Variants in MRC2 observed in about 807,000 individuals in gnomAD.
MRC2 encodes the protein C-type mannose receptor 2.
A neutral mutation model predicts 206.2 loss-of-function variants in MRC2; 84 were observed. The ratio of observed to expected loss-of-function variants is 0.41; its 90% CI spans 0.34 to 0.49. The LOEUF (loss-of-function observed/expected upper bound fraction) is 0.49. Among genes scored for constraint, MRC2 ranks in the 20% least tolerant of loss-of-function variants. MRC2 has a pLI of 0.31. For synonymous variants in MRC2, 798 were observed against 800.0 expected (o/e 1.00, Z 0.04); for missense variants, 1,676 against 2,001.5 (o/e 0.84, Z 3.10).
chr17:62,666,635 A>T lies in MRC2; in HGVS notation c.859+16A>T. The T allele has an allele frequency of 6.6e-7, 1 of 1,519,422 alleles. No homozygotes were observed. The highest frequency in any genetic ancestry group is 8.9e-7 in the Non-Finnish European group (1 of 1,127,542). The allele number at this position is 1,519,422 out of a possible 1,614,324, so 94.1% of individuals were successfully genotyped here. On this transcript the variant is annotated intron_variant, in intron 4 of 29. Coordinates refer to ENST00000303375, the MANE Select transcript of MRC2 (RefSeq NM_006039.5). The surrounding 1 kb of genome is among the most constrained non-coding windows in gnomAD (Gnocchi z 5.0). ...TACATCAACGGTGAGCCGGGGCCTG[A>T]TGCCTGCTCGTGCCTCTGGAGGGCC...
chr17:62,674,870 C>A (rs535068748), intron 9 of MRC2, among the ~76,000 whole-genome samples: 100 of 152,200 alleles, frequency 6.6e-4, no homozygotes, highest in Middle Eastern at 3.4e-3. Context: ...GCCCTTGGCC[C>A]CCCCCAGCAG....
In MRC2 at chr17:62,683,323, C is replaced by T. The variant is rs554811586; in HGVS notation, c.2946+946C>T. The stretch of plus-strand genomic sequence containing the variant: ...ATCTCTACTAAAAATACAAAATTAG[C>T]TGAGTGTGGTGGCACATGCCTGTAA... On this transcript the variant is annotated intron_variant, in intron 20 of 29. Coordinates refer to ENST00000303375, the MANE Select transcript of MRC2 (RefSeq NM_006039.5). 3.8e-3 allele frequency among the ~76,000 whole-genome samples: 572 copies of T among 151,586 alleles called. 5 individuals are homozygous for T. Among genetic ancestry groups the T allele is most frequent in the African/African-American group, 0.013 (548 of 41,344 alleles).
intron 1 of MRC2, among the ~76,000 whole-genome samples, chr17:62,655,433 T>A (rs2088606206): frequency 1.3e-5 from 2 of 151,810 alleles, no homozygotes; most frequent in African/African-American, 2.4e-5. Context: ...TCCCAGCTAC[T>A]CGGGAGGCTG....
rs1303552559 is a variant in MRC2 at position 62,627,671 on chromosome 17, T to G, written c.-132T>G. On this transcript the variant is annotated 5_prime_UTR_variant, in exon 1 of 30. Coordinates refer to ENST00000303375, the MANE Select transcript of MRC2 (RefSeq NM_006039.5). Reference sequence around the variant, plus strand: ...CCTCCCTCCTCCTCCCCGGGAGGCATCACTTCGTCCCGACCCGGAGGAGGA... The same window carrying G: ...CCTCCCTCCTCCTCCCCGGGAGGCAGCACTTCGTCCCGACCCGGAGGAGGA... 3 of 579,756 alleles carry G rather than the reference T, an allele frequency of 5.2e-6. No individual in the cohort carries two copies. Among genetic ancestry groups the G allele is most frequent in the Non-Finnish European group, 8.0e-6 (3 of 377,078 alleles). The allele number at this position is 579,756 out of a possible 1,614,324, so 35.9% of individuals were successfully genotyped here.
chr17:62,690,264 T>C lies in MRC2; in HGVS notation c.3851T>C (p.Leu1284Pro). 6.2e-7 allele frequency: 1 copy of C among 1,612,880 alleles called. No homozygotes were observed. The highest frequency in any genetic ancestry group is 2.2e-5 in the East Asian group (1 of 44,874). The change falls in exon 26 of 30, where the codon CTG (leucine) becomes CCG (proline). Residue 1284 changes from leucine to proline, a missense_variant. Leu to Pro is a moderately conservative substitution (Grantham distance 98). Around this residue, in one of 3 missense-constraint regions of MRC2, gnomAD observed 1,354 missense variants for 1,636.6 expected, o/e 0.83. Transcript: ENST00000303375. Reference sequence around the variant, plus strand: ...CACTGCTATTCTTTCCACATGGAGCTGCTGCTGGGCCACAAGGAGGCGCGA... The same window carrying C: ...CACTGCTATTCTTTCCACATGGAGCCGCTGCTGGGCCACAAGGAGGCGCGA... ...REHCYSFHME[L>P]LLGHKEARQR...
At chr17:62,648,329 G>A (rs1201627870) in intron 1 of MRC2, among the ~76,000 whole-genome samples, 2 of 152,182 alleles carry the variant, frequency 1.3e-5, no homozygotes, top group African/African-American at 2.4e-5. Flanking sequence ...ACTTGAACCC[G>A]GGAGGCGGAG....
intron 20 of MRC2, among the ~76,000 whole-genome samples, chr17:62,685,793 T>C (rs2089024232): frequency 6.6e-6 from 1 of 152,204 alleles, no homozygotes; most frequent in Non-Finnish European, 1.5e-5. Flanking sequence ...CCTCCTGCCT[T>C]GGCCTTCCAA....
In MRC2 at chr17:62,666,586, A is replaced by G; in HGVS notation, c.826A>G (p.Ile276Val). 1 of 1,604,300 alleles carries G rather than the reference A, an allele frequency of 6.2e-7. No homozygotes were observed. The highest frequency in any genetic ancestry group is 8.5e-7 in the Non-Finnish European group (1 of 1,175,548). ...GCAGCAGGGTGCGGATCTGCTGAGC[A>G]TCACGGAGATCCACGAGCAGACCTA... ...CEQQGADLLS[I>V]TEIHEQTYIN... Residue 276 changes from isoleucine to valine, a missense_variant, in exon 4 of 30, where the codon ATC (isoleucine) becomes GTC (valine). Physicochemically the swap from Ile to Val is conservative, Grantham distance 29. Coordinates refer to ENST00000303375, the MANE Select transcript of MRC2 (RefSeq NM_006039.5). This position sits in a 1 kb window ranked among gnomAD's most constrained non-coding sequence, Gnocchi z 5.0.
intron 1 of MRC2, among the ~76,000 whole-genome samples, chr17:62,648,449 C>T (rs1439549905): frequency 6.6e-6 from 1 of 152,240 alleles, no homozygotes; most frequent in Admixed American, 6.5e-5. Flanking sequence ...TCCACACTTT[C>T]CCTTCCAGCT....
intron 1 of MRC2, among the ~76,000 whole-genome samples, chr17:62,634,174 CCCTATAAG>C (rs1476238257): frequency 1.3e-5 from 2 of 152,120 alleles, no homozygotes; most frequent in African/African-American, 2.4e-5. Context: ...CCTTTTTAGA[CCCTATAAG>C]GTAATTTCTT....
intron 1 of MRC2, among the ~76,000 whole-genome samples, chr17:62,640,258 G>A (rs1181503916): frequency 6.6e-6 from 1 of 151,978 alleles, no homozygotes; most frequent in African/African-American, 2.4e-5. Flanking sequence ...ATGCATACCT[G>A]ACATTCATCT....
intron 18 of MRC2, 42 bp downstream of exon 18, chr17:62,681,171 T>A: frequency 1.2e-6 from 2 of 1,601,406 alleles, no homozygotes; most frequent in Non-Finnish European, 1.7e-6. Context: ...GGGGGCTGGC[T>A]GTCCACACAC....
In MRC2 at chr17:62,671,682, C is replaced by T. The variant is rs148408410; in HGVS notation, c.1151C>T (p.Pro384Leu). 6 of 1,603,336 alleles carry T rather than the reference C, an allele frequency of 3.7e-6. No individual in the cohort carries two copies. Among genetic ancestry groups the T allele is most frequent in the East Asian group, 2.2e-5 (1 of 44,786 alleles). ...RWANVKVECEPSWQPFQGHCY... is the reference protein window; with the variant it reads ...RWANVKVECELSWQPFQGHCY... ...GCCAATGTGAAGGTGGAGTGCGAGC[C>T]GAGCTGGCAGCCCTTCCAGGGCCAC... Residue 384 changes from proline to leucine, a missense_variant, in exon 7 of 30, where the codon CCG (proline) becomes CTG (leucine). By Grantham distance (98) the Pro-to-Leu change is moderately conservative. Around this residue, in one of 3 missense-constraint regions of MRC2, gnomAD observed 1,354 missense variants for 1,636.6 expected, o/e 0.83. Transcript: ENST00000303375. The surrounding 1 kb of genome is among the most constrained non-coding windows in gnomAD (Gnocchi z 4.5).
At position 62,667,001 on chromosome 17, in the gene MRC2, C is replaced by G. The variant is rs921323112; in HGVS notation, c.973+131C>G. ...AGGGGAAGCACCGACCTCCACCCCCCTCCCCAGACTGCGCCCCCCTAGCCC... is the reference window on the plus strand; with the variant it reads ...AGGGGAAGCACCGACCTCCACCCCCGTCCCCAGACTGCGCCCCCCTAGCCC... On this transcript the variant is annotated intron_variant, in intron 5 of 29. Coordinates refer to ENST00000303375, the MANE Select transcript of MRC2 (RefSeq NM_006039.5). The surrounding 1 kb of genome is among the most constrained non-coding windows in gnomAD (Gnocchi z 4.1). 3 of 731,900 alleles carry G rather than the reference C, an allele frequency of 4.1e-6. No homozygotes were observed. The highest frequency in any genetic ancestry group is 5.4e-5 in the East Asian group (2 of 36,980). The allele number at this position is 731,900 out of a possible 1,614,324, so 45.3% of individuals were successfully genotyped here.
rs2089117290 is a variant in MRC2, at chr17:62,691,978, A to AGGAT, written c.4193-131_4193-128dup. The AGGAT allele has an allele frequency of 2.6e-6, 3 of 1,153,118 alleles. No homozygotes were observed. In the East Asian group the frequency reaches 7.3e-5, roughly 28 times the overall value. 71.4% of individuals were successfully genotyped at this position (1,153,118 alleles called of 1,614,324 possible). A position where few individuals can be genotyped will look rare whatever the true frequency, so the allele number is the denominator to read the frequency against. ...CTGTGCCCCCACAGTAACCAGAGGTAGGATGGGAGGGGGAACTAGAGCCTC... is the reference window on the plus strand; with the variant it reads ...CTGTGCCCCCACAGTAACCAGAGGTAGGATGGATGGGAGGGGGAACTAGAGCCTC... On this transcript the variant is annotated intron_variant, in intron 28 of 29. Coordinates refer to ENST00000303375, the MANE Select transcript of MRC2 (RefSeq NM_006039.5).
intron 1 of MRC2, among the ~76,000 whole-genome samples, chr17:62,636,560 C>A (rs2088322909): frequency 6.6e-6 from 1 of 151,122 alleles, no homozygotes; most frequent in Non-Finnish European, 1.5e-5. Flanking sequence ...GCTCCACCTC[C>A]CAGGTTCACG....
Position 62,671,930 on chromosome 17 carries a change from C to T in MRC2, c.1307-68C>T, listed in dbSNP as rs1598987387. 5 of 1,608,554 alleles carry T rather than the reference C, an allele frequency of 3.1e-6. No individual in the cohort carries two copies. Among genetic ancestry groups the T allele is most frequent in the East Asian group, 2.2e-5 (1 of 44,768 alleles). ...CAGGAGCCTCAGAGAATGTTCCTTC[C>T]TCCCTACTGGTGGCTGAGGCTGACC... On this transcript the variant is annotated intron_variant, in intron 7 of 29. Coordinates refer to ENST00000303375, the MANE Select transcript of MRC2 (RefSeq NM_006039.5). The surrounding 1 kb of genome is among the most constrained non-coding windows in gnomAD (Gnocchi z 4.5).
intron 1 of MRC2, among the ~76,000 whole-genome samples, chr17:62,655,473 A>C (rs1197860925): frequency 6.7e-6 from 1 of 149,840 alleles, no homozygotes. Context: ...ACCCTGGAGG[A>C]GGAGCTTGCA....
rs2088567976 is a variant in MRC2 at position 62,652,537 on chromosome 17, C to G, written c.119-12011C>G. 6.6e-6 allele frequency among the ~76,000 whole-genome samples: 1 copy of G among 152,222 alleles called. No individual in the cohort carries two copies. On this transcript the variant is annotated intron_variant, in intron 1 of 29. Transcript: ENST00000303375. This position sits in a 1 kb window ranked among gnomAD's most constrained non-coding sequence, Gnocchi z 4.6. Reference sequence around the variant, plus strand: ...ACTTCCTGCCGCGACTGGAGCCAGCCGTCGTTGTGAAAATTCCCCCCACGG... The same window carrying G: ...ACTTCCTGCCGCGACTGGAGCCAGCGGTCGTTGTGAAAATTCCCCCCACGG...
Sources: gnomAD v4.1 joint callset for allele counts (sites outside exome capture counted in the v4.1 genomes callset) on GRCh38, gnomAD v4.1.1 for gene constraint, gnomAD v4.1.1 regional missense constraint, Gnocchi (gnomAD v3.1) non-coding constraint, MANE v1.5 for transcripts, NCBI Gene and HGNC (gene_info 2026-07-23, HGNC 2026-07-21) for gene names.